OR1F1: variants seen among roughly 807,000 people sequenced by gnomAD.
OR1F1 encodes olfactory receptor family 1 subfamily F member 1, also known as olfactory receptor 1F1.
For synonymous variants in OR1F1, 184 were observed against 156.7 expected, an observed-to-expected ratio of 1.17 and a Z score of -1.30; for missense variants, 493 against 376.3, an observed-to-expected ratio of 1.31 and a Z score of -2.57.
At chr16:3,202,673 A>AATC (rs1236584438), upstream of OR1F1, among the ~76,000 whole-genome samples, 1 of 106,170 alleles carries the variant, frequency 9.4e-6, no homozygotes, top group Non-Finnish European at 1.6e-5. Context: ...TAATAATAAT[A>AATC]ATAATAATAA....
the OR1F1 span, among the ~76,000 whole-genome samples, chr16:3,197,106 C>A: frequency 2.5e-4 from 38 of 152,104 alleles, no homozygotes; most frequent in African/African-American, 8.7e-4. Flanking sequence ...GAACTCCTGA[C>A]CTCAGGTGAT....
downstream of OR1F1, among the ~76,000 whole-genome samples, chr16:3,205,811 G>A (rs558757039): frequency 1.7e-4 from 26 of 152,156 alleles, no homozygotes; most frequent in African/African-American, 5.3e-4. Context: ...GACGATGTAC[G>A]TCACCTCAGG....
chr16:3,200,129 G>C (rs957376310), upstream of OR1F1, among the ~76,000 whole-genome samples: 15 of 152,092 alleles, frequency 9.9e-5, no homozygotes, highest in African/African-American at 3.6e-4. Flanking sequence ...GATGCACGAG[G>C]GAGACTCCCT....
the OR1F1 span, among the ~76,000 whole-genome samples, chr16:3,198,156 AGG>A: frequency 6.6e-6 from 1 of 151,096 alleles, no homozygotes. Flanking sequence ...AGGGAGAGAG[AGG>A]GAGAGAGAGA....
chr16:3,191,133 A>T, the OR1F1 span: 1 of 152,218 alleles, frequency 6.6e-6, no homozygotes, highest in South Asian at 2.1e-4. Context: ...CCCGATACAC[A>T]GCAGAACTCT....
the OR1F1 span, among the ~76,000 whole-genome samples, chr16:3,195,863 T>G: frequency 6.6e-6 from 1 of 152,120 alleles, no homozygotes; most frequent in Non-Finnish European, 1.5e-5. Flanking sequence ...CCCCAGTACA[T>G]CTGGGCACAC....
the OR1F1 span, among the ~76,000 whole-genome samples, chr16:3,192,049 C>G: frequency 3.9e-5 from 6 of 151,978 alleles, no homozygotes; most frequent in South Asian, 2.1e-4. Flanking sequence ...GGTTCAAATC[C>G]CGGACGAGCC....
chr16:3,204,799 C>A, exon 1 of OR1F1: 2 of 1,614,206 alleles, frequency 1.2e-6, no homozygotes. Flanking sequence ...GACTCCCCTA[C>A]TGAAACTCTC....
the OR1F1 span, among the ~76,000 whole-genome samples, chr16:3,193,547 T>C: frequency 2.6e-5 from 4 of 152,196 alleles, no homozygotes; most frequent in African/African-American, 9.7e-5. Context: ...TCTCGTTCAC[T>C]ATGGCGTCCC....
chr16:3,205,020 GT>G lies in OR1F1; in HGVS notation c.775del (p.Tyr259IlefsTer22), dbSNP rs773706268. On this transcript the variant is annotated frameshift_variant, in exon 1 of 1. Transcript: ENST00000304646. LOFTEE classifies it low-confidence loss of function (END_TRUNC). ...TCTTCTACAGCACCATCATTGCTGT[GT>G]ATTTTAACCCTCTGTCCTCCCACTC... The G allele has an allele frequency of 1.9e-5, 30 of 1,613,960 alleles. No individual in the cohort carries two copies. The highest frequency in any genetic ancestry group is 2.5e-5 in the Non-Finnish European group (30 of 1,180,022).
chr16:3,203,136 T>A (rs1958155648), upstream of OR1F1, among the ~76,000 whole-genome samples: 1 of 152,194 alleles, frequency 6.6e-6, no homozygotes, highest in Admixed American at 6.5e-5. Context: ...AGGAATTATG[T>A]ATGACAAAGC....
the OR1F1 span, among the ~76,000 whole-genome samples, chr16:3,199,115 C>CAAAAAAAAAAAAAA: frequency 5.7e-5 from 3 of 52,574 alleles, no homozygotes; most frequent in Non-Finnish European, 1.1e-4. Flanking sequence ...CCTGTCTCTA[C>CAAAAAAAAAAAAAA]AAAAAAAAAA....
chr16:3,197,249 C>T, the OR1F1 span, among the ~76,000 whole-genome samples: 2 of 151,204 alleles, frequency 1.3e-5, no homozygotes, highest in South Asian at 4.2e-4. Context: ...AAACTCTTGA[C>T]CTCAGGTGGT....
At chr16:3,200,670 G>A (rs1006715135), upstream of OR1F1, among the ~76,000 whole-genome samples, 2 of 152,196 alleles carry the variant, frequency 1.3e-5, no homozygotes. Context: ...AGGCAGGTAA[G>A]ATCAGAATGC....
the OR1F1 span, chr16:3,191,200 T>G: frequency 6.6e-6 from 1 of 152,172 alleles, no homozygotes; most frequent in Non-Finnish European, 1.5e-5. Context: ...CTCTTTTAGG[T>G]GCGTGCAGTG....
chr16:3,190,917 A>T, the OR1F1 span, among the ~76,000 whole-genome samples: 1 of 152,222 alleles, frequency 6.6e-6, no homozygotes, highest in Non-Finnish European at 1.5e-5. Context: ...TGACAACGGG[A>T]CCTATGTAAA....
At chr16:3,194,951 T>TG in the OR1F1 span, among the ~76,000 whole-genome samples, 1 of 152,228 alleles carries the variant, frequency 6.6e-6, no homozygotes, top group African/African-American at 2.4e-5. Context: ...CTCCTGGGCA[T>TG]GAAAGACCTC....
chr16:3,199,242 T>C, the OR1F1 span, among the ~76,000 whole-genome samples: 2 of 150,456 alleles, frequency 1.3e-5, no homozygotes, highest in Non-Finnish European at 3.0e-5. Flanking sequence ...GGTTGAGACT[T>C]CAGTGAGCTG....
chr16:3,191,530 G>T, the OR1F1 span, among the ~76,000 whole-genome samples: 1 of 152,184 alleles, frequency 6.6e-6, no homozygotes, highest in Non-Finnish European at 1.5e-5. Flanking sequence ...TAGAGCATGG[G>T]ACTCTTAATC....
Sources: allele counts gnomAD v4.1 joint callset (sites outside exome capture counted in the v4.1 genomes callset), GRCh38; gene constraint gnomAD v4.1.1; transcripts MANE v1.5; gene names NCBI Gene and HGNC (gene_info 2026-07-23, HGNC 2026-07-21).